The following PHEX variants were observed in gnomAD, a reference collection of about 807,000 sequenced individuals.
PHEX encodes the protein phosphate-regulating neutral endopeptidase PHEX.
PHEX carries 16 observed loss-of-function variants against 68.0 expected under a neutral mutation model. That is an observed-to-expected ratio of 0.24 (90% CI 0.16 to 0.36). PHEX has a LOEUF of 0.36. Ranked by LOEUF, PHEX falls within the 10% of genes least tolerant of loss-of-function variation. The probability of loss-of-function intolerance (pLI) is 1.00; values close to 1 mark genes in which losing one functional copy is unlikely to be tolerated. For missense variants in PHEX, 480 were observed against 575.5 expected, an observed-to-expected ratio of 0.83 and a Z score of 1.70; for synonymous variants, 208 against 205.1, an observed-to-expected ratio of 1.01 and a Z score of -0.12.
intron 11 of PHEX, among the ~76,000 whole-genome samples, chrX:22,128,854 C>T (rs1931852280): frequency 1.0e-5 from 1 of 98,654 alleles, no homozygotes; most frequent in Non-Finnish European, 2.0e-5. Context: ...TTCCAAGACC[C>T]CCCCCAACCC....
intron 3 of PHEX, among the ~76,000 whole-genome samples, chrX:22,056,557 T>G (rs1014522898): frequency 9.1e-6 from 1 of 109,962 alleles, no homozygotes; most frequent in Non-Finnish European, 1.9e-5. Context: ...TGCTAGCACT[T>G]TGGGAGCCTG....
intron 12 of PHEX, among the ~76,000 whole-genome samples, chrX:22,144,401 T>C (rs772209595): frequency 9.0e-6 from 1 of 111,594 alleles, no homozygotes; most frequent in East Asian, 2.8e-4. Flanking sequence ...TTTATGGAAA[T>C]TTAAAAATGT....
rs1462968108 is a variant in PHEX, at chrX:22,044,567, G to T, written c.188-2483G>T. On this transcript the variant is annotated intron_variant, in intron 2 of 21. Coordinates refer to ENST00000379374, the MANE Select transcript of PHEX (RefSeq NM_000444.6). ...CTACTAAAAATACAAAAAAAAATTAGCCGGGCGTGGTGGCGGGTGCCTGTA... is the reference window on the plus strand; with the variant it reads ...CTACTAAAAATACAAAAAAAAATTATCCGGGCGTGGTGGCGGGTGCCTGTA... Among the ~76,000 whole-genome samples the T allele has an allele frequency of 2.7e-5, 3 of 109,213 alleles. No individual in the cohort carries two copies. The Admixed American group carries it at 3.0e-4, about 11-fold the overall frequency. 94.8% of individuals were successfully genotyped at this position (109,213 alleles called of 115,157 possible). A position where few individuals can be genotyped will look rare whatever the true frequency, so the allele number is the denominator to read the frequency against.
At chrX:22,069,881 A>G (rs973184413) in intron 3 of PHEX, among the ~76,000 whole-genome samples, 9 of 111,876 alleles carry the variant, frequency 8.0e-5, no homozygotes, top group African/African-American at 2.9e-4. Context: ...AGTTAACTTG[A>G]ATTTTATTTT....
chrX:22,130,910 C>G (rs1931964167), intron 11 of PHEX, among the ~76,000 whole-genome samples: 1 of 111,620 alleles, frequency 9.0e-6, no homozygotes, highest in Non-Finnish European at 1.9e-5. Context: ...GCCCTGACTG[C>G]ACATTAGAAT....
intron 15 of PHEX, among the ~76,000 whole-genome samples, chrX:22,212,099 A>G (rs1934946711): frequency 9.0e-6 from 1 of 111,656 alleles, no homozygotes; most frequent in South Asian, 3.8e-4. Context: ...TGTTTGGCCA[A>G]TACAGGGAAG....
At chrX:22,184,182 T>C (rs749649529) in intron 14 of PHEX, among the ~76,000 whole-genome samples, 9 of 111,808 alleles carry the variant, frequency 8.0e-5, no homozygotes, top group Non-Finnish European at 1.7e-4. Context: ...GAAATAACAT[T>C]TAGAAATTTA....
At chrX:22,154,422 A>G (rs1932908172) in intron 12 of PHEX, among the ~76,000 whole-genome samples, 1 of 111,054 alleles carries the variant, frequency 9.0e-6, no homozygotes, top group Non-Finnish European at 1.9e-5. Flanking sequence ...TTCAGCAGGC[A>G]TGAGACTCCC....
chrX:22,036,396 G>A (rs1009782511), intron 1 of PHEX, among the ~76,000 whole-genome samples: 1 of 110,695 alleles, frequency 9.0e-6, no homozygotes, highest in East Asian at 2.8e-4. Flanking sequence ...TCTGCTCATC[G>A]TTAGATAAAG....
Position 22,250,518 on chromosome X carries a change from A to G in PHEX, c.*2565A>G, listed in dbSNP as rs1367902935. The stretch of plus-strand genomic sequence containing the variant: ...AATACAGTTCTCTGATTCGCACACC[A>G]GATGTTCTGCCAGCGAACTGTTGTC... On this transcript the variant is annotated 3_prime_UTR_variant, in exon 22 of 22. Coordinates refer to ENST00000379374, the MANE Select transcript of PHEX (RefSeq NM_000444.6). 8.9e-6 allele frequency: 1 copy of G among 112,148 alleles called. No individual in the cohort carries two copies. The highest frequency in any genetic ancestry group is 1.9e-5 in the Non-Finnish European group (1 of 53,271). 9.2% of individuals were successfully genotyped at this position (112,148 alleles called of 1,213,427 possible). A position where few individuals can be genotyped will look rare whatever the true frequency, so the allele number is the denominator to read the frequency against.
At chrX:22,036,839 T>C (rs1406301183) in intron 1 of PHEX, among the ~76,000 whole-genome samples, 1 of 109,165 alleles carries the variant, frequency 9.2e-6, no homozygotes, top group East Asian at 2.9e-4. Flanking sequence ...GGCTCACACC[T>C]GTAATCCCAG....
chrX:22,230,922 A>G (rs1452462042), intron 20 of PHEX, among the ~76,000 whole-genome samples: 1 of 111,639 alleles, frequency 9.0e-6, no homozygotes, highest in Admixed American at 9.5e-5. Flanking sequence ...GTTTGTCATA[A>G]ATAGCTCTTC....
At chrX:22,150,587 G>A (rs760336103) in intron 12 of PHEX, among the ~76,000 whole-genome samples, 4 of 111,977 alleles carry the variant, frequency 3.6e-5, no homozygotes, top group Admixed American at 9.5e-5. Flanking sequence ...CTTACAGGCC[G>A]TGAGCCAATA....
In PHEX at chrX:22,249,455, A is replaced by ATATATATATATATATAT. The variant is rs1555900710; in HGVS notation, c.*1502_*1503insTATATATATATATATAT. Reference sequence around the variant, plus strand: ...TTGTGATTCTTTTAAAAAAAAAAAAAATATATATATATATATATATATATA... The same window carrying ATATATATATATATATAT: ...TTGTGATTCTTTTAAAAAAAAAAAAATATATATATATATATATATATATATATATATATATATATATA... On this transcript the variant is annotated 3_prime_UTR_variant, in exon 22 of 22. Coordinates refer to ENST00000379374, the MANE Select transcript of PHEX (RefSeq NM_000444.6). 17 of 39,746 alleles carry ATATATATATATATATAT rather than the reference A, an allele frequency of 4.3e-4. No homozygotes were observed. The highest frequency in any genetic ancestry group is 2.3e-3 in the African/African-American group (14 of 6,009). The allele number at this position is 39,746 out of a possible 1,213,427, so 3.3% of individuals were successfully genotyped here.
At chrX:22,194,577 C>T (rs375757470) in intron 15 of PHEX, among the ~76,000 whole-genome samples, 7 of 112,477 alleles carry the variant, frequency 6.2e-5, no homozygotes, top group Non-Finnish European at 1.1e-4. Flanking sequence ...TACTTAGTAA[C>T]GTGATTTATG....
Position 22,221,192 on chromosome X carries a change from C to G in PHEX, c.1769-421C>G, listed in dbSNP as rs1228049383. Among the ~76,000 whole-genome samples, 7 of 111,434 alleles carry G rather than the reference C, an allele frequency of 6.3e-5. No homozygotes were observed. In the Admixed American group the frequency reaches 6.7e-4, roughly 11 times the overall value. On this transcript the variant is annotated intron_variant, in intron 17 of 21. Coordinates refer to ENST00000379374, the MANE Select transcript of PHEX (RefSeq NM_000444.6). The stretch of plus-strand genomic sequence containing the variant: ...GTCTATGATCGCACAGTATGGATGA[C>G]TCACTGGGGCTATTCCTATGGATCA...
intron 9 of PHEX, among the ~76,000 whole-genome samples, chrX:22,101,464 A>G (rs1602294779): frequency 1.8e-5 from 2 of 112,153 alleles, no homozygotes; most frequent in East Asian, 2.8e-4. Flanking sequence ...GCCAGTTGCT[A>G]TAACCAGCAC....
At chrX:22,192,927 G>C (rs1270949801) in intron 15 of PHEX, among the ~76,000 whole-genome samples, 1 of 110,847 alleles carries the variant, frequency 9.0e-6, no homozygotes, top group Non-Finnish European at 1.9e-5. Flanking sequence ...GCCCGACTTC[G>C]GTCTGAGAGA....
At chrX:22,134,109 C>A (rs562605001) in intron 12 of PHEX, among the ~76,000 whole-genome samples, 1 of 112,205 alleles carries the variant, frequency 8.9e-6, no homozygotes. Context: ...CCTTCCCGAC[C>A]CATCATTTGG....
Sources: gnomAD v4.1 joint callset for allele counts (sites outside exome capture counted in the v4.1 genomes callset) on GRCh38, gnomAD v4.1.1 for gene constraint, MANE v1.5 for transcripts, NCBI Gene and HGNC (gene_info 2026-07-23, HGNC 2026-07-21) for gene names.